THSD4: variants seen among roughly 807,000 people sequenced by gnomAD.
The protein encoded by THSD4 is thrombospondin type-1 domain-containing protein 4.
A neutral mutation model predicts 119.0 loss-of-function variants in THSD4; 69 were observed. That is an observed-to-expected ratio of 0.58 (90% CI 0.48 to 0.71). THSD4 has a LOEUF of 0.71. THSD4 is among the 30% of genes least tolerant of loss of function. THSD4 has a pLI of 0.00. For synonymous variants in THSD4, 524 were observed against 540.4 expected (o/e 0.97, Z 0.42); for missense variants, 1,393 against 1,391.1 (o/e 1.00, Z -0.02).
chr15:71,261,775 G>A (rs1361735009), intron 6 of THSD4, among the ~76,000 whole-genome samples: 1 of 152,198 alleles, frequency 6.6e-6, no homozygotes. Context: ...GCATCCTAAT[G>A]TGGATTAATC....
At chr15:71,323,036 G>A (rs1001836337) in intron 6 of THSD4, among the ~76,000 whole-genome samples, 8 of 149,536 alleles carry the variant, frequency 5.3e-5, no homozygotes, top group African/African-American at 1.7e-4. Context: ...GGTTGAGGCT[G>A]CAGTGAGCTG....
chr15:71,145,034 A>G (rs1282325683), intron 2 of THSD4, among the ~76,000 whole-genome samples: 1 of 151,862 alleles, frequency 6.6e-6, no homozygotes, highest in African/African-American at 2.4e-5. Flanking sequence ...ATGCACAATT[A>G]CATCTTTATT....
At position 71,731,111 on chromosome 15, in the gene THSD4, G is replaced by A. The variant is rs762332490; in HGVS notation, c.1534-10G>A. The A allele has an allele frequency of 1.2e-6, 2 of 1,613,898 alleles. No homozygotes were observed. Among genetic ancestry groups the A allele is most frequent in the South Asian group, 1.1e-5 (1 of 91,082 alleles). On this transcript the variant is annotated splice_polypyrimidine_tract_variant and intron_variant, in intron 9 of 17. Coordinates refer to ENST00000261862, the MANE Select transcript of THSD4 (RefSeq NM_024817.3). Reference sequence around the variant, plus strand: ...GCCAAGTGCGGTAACACTGATTTTTGTGTCAGCAGATGATACACCAGCAGC... The same window carrying A: ...GCCAAGTGCGGTAACACTGATTTTTATGTCAGCAGATGATACACCAGCAGC...
chr15:71,588,290 A>G (rs1195446837), intron 7 of THSD4, among the ~76,000 whole-genome samples: 1 of 127,818 alleles, frequency 7.8e-6, no homozygotes, highest in East Asian at 2.3e-4. Context: ...TGGGCGACAG[A>G]GCGAGACTCC....
intron 7 of THSD4, among the ~76,000 whole-genome samples, chr15:71,606,554 T>TA (rs2050113422): frequency 1.3e-5 from 2 of 151,042 alleles, no homozygotes; most frequent in Admixed American, 6.6e-5. Flanking sequence ...TTTATTTATT[T>TA]TTTGAGACGG....
At chr15:71,742,870 C>T (rs951322758) in intron 11 of THSD4, among the ~76,000 whole-genome samples, 17 of 152,066 alleles carry the variant, frequency 1.1e-4, no homozygotes, top group African/African-American at 3.6e-4. Flanking sequence ...GCCTGGACAA[C>T]ACGGCAAAAC....
chr15:71,211,398 G>T (rs1019369258), intron 3 of THSD4, among the ~76,000 whole-genome samples: 1 of 152,146 alleles, frequency 6.6e-6, no homozygotes, highest in Non-Finnish European at 1.5e-5. Context: ...CTGGCTTGCA[G>T]AGAGCTGCCT....
At chr15:71,390,827 A>G (rs1361528285) in intron 6 of THSD4, among the ~76,000 whole-genome samples, 1 of 136,446 alleles carries the variant, frequency 7.3e-6, no homozygotes, top group African/African-American at 2.7e-5. Flanking sequence ...CTCAATTTTT[A>G]GGTAATTATG....
At chr15:71,621,337 A>G (rs1411802150) in intron 7 of THSD4, among the ~76,000 whole-genome samples, 1 of 152,212 alleles carries the variant, frequency 6.6e-6, no homozygotes, top group Non-Finnish European at 1.5e-5. Context: ...ATTAACATGG[A>G]AAAGAACCCA....
intron 16 of THSD4, chr15:71,767,339 A>G (rs1235030022): frequency 1.3e-5 from 2 of 152,212 alleles, no homozygotes; most frequent in Non-Finnish European, 2.9e-5. Flanking sequence ...ATATGTTTCT[A>G]GTTGGTGGCA....
intron 7 of THSD4, among the ~76,000 whole-genome samples, chr15:71,650,229 T>C (rs746848613): frequency 6.6e-6 from 1 of 152,094 alleles, no homozygotes; most frequent in Admixed American, 6.6e-5. Context: ...TCCAGCAGAG[T>C]GGCTGCAACA....
At chr15:71,371,844 A>G (rs1447244244) in intron 6 of THSD4, among the ~76,000 whole-genome samples, 2 of 152,174 alleles carry the variant, frequency 1.3e-5, no homozygotes, top group Non-Finnish European at 2.9e-5. Flanking sequence ...AGGTTGGGGA[A>G]GTTCTTCTGG....
intron 7 of THSD4, among the ~76,000 whole-genome samples, chr15:71,606,632 C>G (rs976002926): frequency 1.3e-5 from 2 of 152,186 alleles, no homozygotes; most frequent in African/African-American, 4.8e-5. Context: ...CCTCCACCTC[C>G]CGGGTTCAAG....
chr15:71,302,827 G>A (rs1274643681), intron 6 of THSD4, among the ~76,000 whole-genome samples: 2 of 151,852 alleles, frequency 1.3e-5, no homozygotes, highest in Non-Finnish European at 2.9e-5. Flanking sequence ...CAACACCATG[G>A]CCCCCAAGAT....
chr15:71,366,867 G>A (rs933095453), intron 6 of THSD4, among the ~76,000 whole-genome samples: 3 of 152,102 alleles, frequency 2.0e-5, no homozygotes, highest in Admixed American at 1.3e-4. Flanking sequence ...AGACCAAATC[G>A]AACCCTCTAA....
At position 71,589,816 on chromosome 15, in the gene THSD4, C is replaced by T. The variant is rs550725426; in HGVS notation, c.1153-70714C>T. On this transcript the variant is annotated intron_variant, in intron 7 of 17. Transcript: ENST00000261862. ...GAAACATTCTCAATCTCCATCCCCA[C>T]GAGAATAGATAAATAAGTTGTGGCT... Among the ~76,000 whole-genome samples the T allele has an allele frequency of 2.8e-4, 39 of 138,844 alleles. 2 individuals carry two copies. The highest frequency in any genetic ancestry group is 9.3e-4 in the African/African-American group (37 of 39,778). The allele number at this position is 138,844 out of a possible 152,430, so 91.1% of individuals were successfully genotyped here.
intron 7 of THSD4, among the ~76,000 whole-genome samples, chr15:71,437,707 G>A (rs1260573720): frequency 6.6e-6 from 1 of 152,152 alleles, no homozygotes; most frequent in Non-Finnish European, 1.5e-5. Flanking sequence ...TTACATGTTT[G>A]CAATAACTGT....
intron 7 of THSD4, among the ~76,000 whole-genome samples, chr15:71,506,372 G>A (rs1381160559): frequency 6.6e-6 from 1 of 152,156 alleles, no homozygotes; most frequent in Non-Finnish European, 1.5e-5. Context: ...GTATTGGATT[G>A]TACTGACTCT....
At chr15:71,492,738 G>C (rs563786326) in intron 7 of THSD4, among the ~76,000 whole-genome samples, 1 of 139,526 alleles carries the variant, frequency 7.2e-6, no homozygotes, top group Admixed American at 6.9e-5. Context: ...GTTAGCCCAG[G>C]GTCTTTTTCA....
Sources: allele counts gnomAD v4.1 joint callset (sites outside exome capture counted in the v4.1 genomes callset), GRCh38; gene constraint gnomAD v4.1.1; transcripts MANE v1.5; gene names NCBI Gene and HGNC (gene_info 2026-07-23, HGNC 2026-07-21).